Variants in KCNMB4 observed in about 807,000 individuals in gnomAD.
KCNMB4 encodes calcium-activated potassium channel subunit beta-4.
A neutral mutation model predicts 20.7 loss-of-function variants in KCNMB4; 3 were observed. The observed-to-expected ratio is 0.14, with a 90% CI of 0.07 to 0.37. The LOEUF is 0.37. KCNMB4 is among the 10% of genes least tolerant of loss of function. The probability of loss-of-function intolerance (pLI) is 1.00; values close to 1 mark genes in which losing one functional copy is unlikely to be tolerated. For synonymous variants in KCNMB4, 110 were observed against 113.4 expected (o/e 0.97, Z 0.19); for missense variants, 168 against 265.9 (o/e 0.63, Z 2.56).
At chr12:70,419,303 C>T (rs1299051597) in intron 2 of KCNMB4, among the ~76,000 whole-genome samples, 1 of 152,048 alleles carries the variant, frequency 6.6e-6, no homozygotes, top group Non-Finnish European at 1.5e-5. Flanking sequence ...AATGGCTCAC[C>T]CTTAAATTTC....
At chr12:70,428,802 A>G (rs1165746730) in intron 2 of KCNMB4, among the ~76,000 whole-genome samples, 1 of 152,228 alleles carries the variant, frequency 6.6e-6, no homozygotes, top group Non-Finnish European at 1.5e-5. Flanking sequence ...ATGTATACAC[A>G]TATACTAATG....
At chr12:70,371,287 A>G (rs1883589761) in intron 1 of KCNMB4, among the ~76,000 whole-genome samples, 1 of 152,230 alleles carries the variant, frequency 6.6e-6, no homozygotes. Flanking sequence ...AAGGAGAAGA[A>G]AAACTTAGGT....
chr12:70,383,855 G>A (rs1883839219), intron 1 of KCNMB4, among the ~76,000 whole-genome samples: 1 of 152,206 alleles, frequency 6.6e-6, no homozygotes, highest in Non-Finnish European at 1.5e-5. Context: ...GATCACTTGA[G>A]GCCAGGAGTT....
chr12:70,405,878 G>A (rs536596517), intron 2 of KCNMB4, among the ~76,000 whole-genome samples: 1 of 152,246 alleles, frequency 6.6e-6, no homozygotes, highest in East Asian at 1.9e-4. Context: ...GCCACATAGC[G>A]AGATCCGATC....
At chr12:70,376,190 A>G (rs1160754050) in intron 1 of KCNMB4, among the ~76,000 whole-genome samples, 1 of 151,448 alleles carries the variant, frequency 6.6e-6, no homozygotes, top group Non-Finnish European at 1.5e-5. Flanking sequence ...ATAGAAGGGA[A>G]CTTCTCAACC....
At chr12:70,401,025 A>G (rs1305385353) in intron 2 of KCNMB4, among the ~76,000 whole-genome samples, 1 of 151,876 alleles carries the variant, frequency 6.6e-6, no homozygotes, top group African/African-American at 2.4e-5. Flanking sequence ...TGTCACCATC[A>G]TGTATTTTTG....
At chr12:70,425,233 A>G (rs1270336647) in intron 2 of KCNMB4, among the ~76,000 whole-genome samples, 5 of 152,038 alleles carry the variant, frequency 3.3e-5, no homozygotes, top group Non-Finnish European at 5.9e-5. Context: ...TCAGGAGATC[A>G]AGACCATCCT....
intron 2 of KCNMB4, 68 bp downstream of exon 2, chr12:70,400,404 T>A: frequency 6.7e-7 from 1 of 1,484,514 alleles, no homozygotes; most frequent in South Asian, 1.4e-5. Flanking sequence ...CACTGTTATA[T>A]CGTAGATTAT....
chr12:70,432,727 GA>G lies in KCNMB4; in HGVS notation c.*2076del, dbSNP rs775145925. 6.6e-6 allele frequency: 1 copy of G among 152,168 alleles called. No homozygotes were observed. The highest frequency in any genetic ancestry group is 1.5e-5 in the Non-Finnish European group (1 of 68,042). 9.4% of individuals were successfully genotyped at this position (152,168 alleles called of 1,614,324 possible). A position where few individuals can be genotyped will look rare whatever the true frequency, so the allele number is the denominator to read the frequency against. ...ATCCTTGTTGTCTTAGCAACACAGT[GA>G]ACTATTCTGAAGCATAGAGTAACAC... On this transcript the variant is annotated 3_prime_UTR_variant, in exon 3 of 3. Coordinates refer to ENST00000258111, the MANE Select transcript of KCNMB4 (RefSeq NM_014505.6).
intron 2 of KCNMB4, among the ~76,000 whole-genome samples, chr12:70,403,806 T>C (rs776993609): frequency 2.6e-5 from 4 of 152,222 alleles, no homozygotes; most frequent in Non-Finnish European, 5.9e-5. Context: ...TGTATGCCCA[T>C]TTTCCTCACC....
intron 2 of KCNMB4, among the ~76,000 whole-genome samples, chr12:70,429,703 A>G (rs1167945330): frequency 6.6e-6 from 1 of 151,276 alleles, no homozygotes; most frequent in Non-Finnish European, 1.5e-5. Flanking sequence ...TTAGATTTCC[A>G]GGATCTCTTT....
intron 2 of KCNMB4, among the ~76,000 whole-genome samples, chr12:70,406,408 GAT>G (rs1476730317): frequency 6.6e-6 from 1 of 152,172 alleles, no homozygotes; most frequent in African/African-American, 2.4e-5. Flanking sequence ...GCCTCCTGCA[GAT>G]GAAAACTGTT....
At chr12:70,404,832 T>G (rs980234488) in intron 2 of KCNMB4, among the ~76,000 whole-genome samples, 2 of 152,170 alleles carry the variant, frequency 1.3e-5, no homozygotes, top group African/African-American at 4.8e-5. Flanking sequence ...ACTTTTAAGT[T>G]GAGGAGCAAG....
rs1869334510 is a variant in KCNMB4 at position 70,430,472 on chromosome 12, C to T, written c.465-13C>T. ...TGACTGCCCTTTCTTTCTTATTCTC[C>T]ATTGTCTTGCAGACCAGATGATGTG... On this transcript the variant is annotated splice_polypyrimidine_tract_variant and intron_variant, in intron 2 of 2. Coordinates refer to ENST00000258111, the MANE Select transcript of KCNMB4 (RefSeq NM_014505.6). 3 of 1,612,202 alleles carry T rather than the reference C, an allele frequency of 1.9e-6. No homozygotes were observed. The highest frequency in any genetic ancestry group is 1.3e-5 in the African/African-American group (1 of 74,804).
intron 2 of KCNMB4, among the ~76,000 whole-genome samples, chr12:70,414,324 A>T (rs1418857970): frequency 6.6e-6 from 1 of 152,236 alleles, no homozygotes; most frequent in African/African-American, 2.4e-5. Flanking sequence ...ATACTTTACC[A>T]CAATTTTTAA....
chr12:70,405,866 G>C (rs893078108), intron 2 of KCNMB4, among the ~76,000 whole-genome samples: 3 of 152,094 alleles, frequency 2.0e-5, no homozygotes, highest in Non-Finnish European at 4.4e-5. Flanking sequence ...AGTCCAGCCT[G>C]GGCCACATAG....
At chr12:70,421,051 CAA>C (rs5798982) in intron 2 of KCNMB4, among the ~76,000 whole-genome samples, 3,242 of 119,798 alleles carry the variant, frequency 0.027, 105 homozygotes, top group African/African-American at 0.086. Flanking sequence ...GACTCCGTCT[CAA>C]AAAAAAAAAA....
At chr12:70,398,406 A>G (rs1434899940) in intron 1 of KCNMB4, among the ~76,000 whole-genome samples, 2 of 152,194 alleles carry the variant, frequency 1.3e-5, no homozygotes, top group African/African-American at 2.4e-5. Context: ...AGCCCTATCT[A>G]ATGGTCTCCA....
intron 2 of KCNMB4, among the ~76,000 whole-genome samples, chr12:70,418,078 C>T (rs1035565515): frequency 1.3e-5 from 2 of 152,172 alleles, no homozygotes; most frequent in Admixed American, 6.5e-5. Context: ...TGTCTGTGCA[C>T]ATCATACCCA....
Sources: gnomAD v4.1 joint callset for allele counts (sites outside exome capture counted in the v4.1 genomes callset) on GRCh38, gnomAD v4.1.1 for gene constraint, MANE v1.5 for transcripts, NCBI Gene and HGNC (gene_info 2026-07-23, HGNC 2026-07-21) for gene names.